Variants in ARHGAP29 observed in about 807,000 individuals in gnomAD.
ARHGAP29 encodes the protein rho GTPase-activating protein 29.
A neutral mutation model predicts 122.6 loss-of-function variants in ARHGAP29; 43 were observed. The ratio of observed to expected loss-of-function variants is 0.35; its 90% CI spans 0.27 to 0.45. ARHGAP29 has a LOEUF of 0.45. ARHGAP29 is among the 20% of genes least tolerant of loss of function. The pLI, the probability that ARHGAP29 is intolerant of heterozygous loss-of-function variation, is 1.00. For missense variants in ARHGAP29, 1,303 were observed against 1,477.2 expected (o/e 0.88, Z 1.93); for synonymous variants, 506 against 497.1 (o/e 1.02, Z -0.24).
At chr1:94,237,306 C>T (rs1308837508) in intron 1 of ARHGAP29, 109 bp downstream of exon 1, 5 of 780,854 alleles carry the variant, frequency 6.4e-6, no homozygotes, top group Non-Finnish European at 7.8e-6. Flanking sequence ...GGGGCCGCCC[C>T]GCGGGCCTCC....
At chr1:94,203,791 C>A in intron 8 of ARHGAP29, 139 bp downstream of exon 8, 1 of 699,902 alleles carries the variant, frequency 1.4e-6, no homozygotes, top group Non-Finnish European at 2.3e-6. Context: ...TCCATCTAAA[C>A]TTAAAATAAT....
chr1:94,301,913 G>A, the ARHGAP29 span: 3 of 153,594 alleles, frequency 2.0e-5, no homozygotes, highest in East Asian at 5.8e-4. Context: ...TGATAAAACA[G>A]TGATGTAAAA....
intron 3 of ARHGAP29, among the ~76,000 whole-genome samples, chr1:94,211,699 T>C (rs1651630576): frequency 6.6e-6 from 1 of 152,234 alleles, no homozygotes; most frequent in Non-Finnish European, 1.5e-5. Flanking sequence ...GAAGGATCTC[T>C]GGAAAATCTC....
intron 2 of ARHGAP29, among the ~76,000 whole-genome samples, chr1:94,228,839 T>C (rs1242492387): frequency 6.6e-6 from 1 of 151,864 alleles, no homozygotes; most frequent in East Asian, 1.9e-4. Context: ...GTCAAGTGAC[T>C]GCACATTAGT....
intron 1 of ARHGAP29, chr1:94,249,291 A>T (rs1236568138): frequency 6.6e-6 from 1 of 152,256 alleles, no homozygotes; most frequent in African/African-American, 2.4e-5. Flanking sequence ...GCATAACTGG[A>T]TAGTGCATTA....
Position 94,174,060 on chromosome 1 carries a change from G to A in ARHGAP29, c.3595C>T (p.His1199Tyr). ...AVPPGTDHDP[H>Y]GLVVKSMPDP... is the part of the protein sequence containing the mutation. ...GGCATTGACTTCACCACGAGACCGT[G>A]GGGATCGTGATCTGTGCCAGGAGGC... Residue 1199 changes from histidine (H) to tyrosine (Y), a missense_variant, in exon 23 of 23, where the codon CAC (histidine) becomes TAC (tyrosine). His to Tyr is a moderately conservative substitution (Grantham distance 83). Coordinates refer to ENST00000260526, the MANE Select transcript of ARHGAP29 (RefSeq NM_004815.4). The A allele has an allele frequency of 6.2e-7, 1 of 1,614,186 alleles. No homozygotes were observed. The highest frequency in any genetic ancestry group is 8.5e-7 in the Non-Finnish European group (1 of 1,180,032).
At chr1:94,185,542 T>C (rs879256256) in intron 16 of ARHGAP29, 61 bp from the exon 17 acceptor site, 24 of 1,383,896 alleles carry the variant, frequency 1.7e-5, no homozygotes, top group Non-Finnish European at 2.0e-5. Flanking sequence ...CCATGTGATA[T>C]CATATTTTGA....
chr1:94,205,165 A>G lies in ARHGAP29; in HGVS notation c.593T>C (p.Leu198Pro). The change falls in exon 7 of 23, where the codon CTG (leucine) becomes CCG (proline). Residue 198 changes from leucine to proline, a missense_variant. Around this residue, in one of 3 missense-constraint regions of ARHGAP29, gnomAD observed 592 missense variants for 648.2 expected, o/e 0.91. Coordinates refer to ENST00000260526, the MANE Select transcript of ARHGAP29 (RefSeq NM_004815.4). ...CTCGATAGAGTCAGTGTTCTTTAAC[A>G]GCACGTTGTCTAGTTCTAAAGGGGA... Reference protein sequence around the residue: ...NFSPLELDNVLLKNTDSIELA... With the variant: ...NFSPLELDNVPLKNTDSIELA... The G allele has an allele frequency of 3.1e-6, 5 of 1,606,276 alleles. No homozygotes were observed. In the South Asian group the frequency reaches 3.4e-5, roughly 11 times the overall value.
chr1:94,199,998 C>CG (rs1355258244), intron 12 of ARHGAP29, among the ~76,000 whole-genome samples: 2 of 152,024 alleles, frequency 1.3e-5, no homozygotes, highest in African/African-American at 2.4e-5. Flanking sequence ...TAAGCCCAAA[C>CG]GGATCATATA....
chr1:94,300,843 A>C, the ARHGAP29 span, among the ~76,000 whole-genome samples: 1 of 152,246 alleles, frequency 6.6e-6, no homozygotes, highest in African/African-American at 2.4e-5. Context: ...ATGAATGAGC[A>C]GATTAATGAA....
chr1:94,207,964 C>G (rs1651321977), intron 5 of ARHGAP29, among the ~76,000 whole-genome samples: 1 of 152,046 alleles, frequency 6.6e-6, no homozygotes, highest in African/African-American at 2.4e-5. Context: ...TCTCAGCTTC[C>G]CTTTCAAGTA....
chr1:94,219,121 T>C (rs1356016181), intron 3 of ARHGAP29, among the ~76,000 whole-genome samples: 8 of 152,212 alleles, frequency 5.3e-5, no homozygotes, highest in Non-Finnish European at 1.0e-4. Flanking sequence ...TATCACAGAA[T>C]TGATCACAGG....
the ARHGAP29 span, among the ~76,000 whole-genome samples, chr1:94,282,989 T>C: frequency 6.6e-6 from 1 of 152,098 alleles, no homozygotes; most frequent in Non-Finnish European, 1.5e-5. Context: ...CTCTTGAGAG[T>C]CTTGGCCCTA....
chr1:94,226,330 AT>A (rs1652610489), intron 2 of ARHGAP29, among the ~76,000 whole-genome samples: 1 of 152,022 alleles, frequency 6.6e-6, no homozygotes, highest in African/African-American at 2.4e-5. Context: ...ACATTTGAAA[AT>A]GCTTATTCTA....
chr1:94,250,486 G>A (rs1460697109), intron 1 of ARHGAP29: 1 of 152,226 alleles, frequency 6.6e-6, no homozygotes, highest in Non-Finnish European at 1.5e-5. Flanking sequence ...GACTGCGGCT[G>A]TCCTTGACCT....
chr1:94,173,614 C>T lies in ARHGAP29; in HGVS notation c.*255G>A, dbSNP rs1404008754. 8 of 361,852 alleles carry T rather than the reference C, an allele frequency of 2.2e-5. No individual in the cohort carries two copies. Among genetic ancestry groups the T allele is most frequent in the East Asian group, 1.4e-4 (3 of 20,822 alleles). 22.4% of individuals were successfully genotyped at this position (361,852 alleles called of 1,614,324 possible). A position where few individuals can be genotyped will look rare whatever the true frequency, so the allele number is the denominator to read the frequency against. On this transcript the variant is annotated 3_prime_UTR_variant, in exon 23 of 23. Transcript: ENST00000260526. ...AAAGTCAACTGAACTTTAAAAAATA[C>T]GAATCCACCTATCTTATTCACAACT...
At chr1:94,262,095 G>T (rs374763873) in intron 1 of ARHGAP29, among the ~76,000 whole-genome samples, 7 of 152,070 alleles carry the variant, frequency 4.6e-5, no homozygotes, top group African/African-American at 9.7e-5. Flanking sequence ...GAGAAAAAAG[G>T]CCACACACCT....
At chr1:94,274,714 C>A (rs991289575) in intron 1 of ARHGAP29, among the ~76,000 whole-genome samples, 2 of 152,192 alleles carry the variant, frequency 1.3e-5, no homozygotes, top group Non-Finnish European at 2.9e-5. Context: ...AGGCCTCTGG[C>A]AGTACAGGCC....
chr1:94,177,724 T>C lies in ARHGAP29; in HGVS notation c.2797-4A>G, dbSNP rs754379996. On this transcript the variant is annotated splice_region_variant and splice_polypyrimidine_tract_variant and intron_variant, in intron 21 of 22. Coordinates refer to ENST00000260526, the MANE Select transcript of ARHGAP29 (RefSeq NM_004815.4). ...CACTCTCTGAAGTATGGATATCCTGTTGATGCAAGATAATTTTTAAAATGG... is the reference window on the plus strand; with the variant it reads ...CACTCTCTGAAGTATGGATATCCTGCTGATGCAAGATAATTTTTAAAATGG... 3 of 1,603,354 alleles carry C rather than the reference T, an allele frequency of 1.9e-6. No homozygotes were observed. The highest frequency in any genetic ancestry group is 2.7e-5 in the African/African-American group (2 of 74,330).
Sources: allele counts gnomAD v4.1 joint callset (sites outside exome capture counted in the v4.1 genomes callset), GRCh38; gene constraint gnomAD v4.1.1; regional missense constraint gnomAD v4.1.1; transcripts MANE v1.5; gene names NCBI Gene and HGNC (gene_info 2026-07-23, HGNC 2026-07-21).